NSL1: variants seen among roughly 807,000 people sequenced by gnomAD.
The protein encoded by NSL1 is kinetochore-associated protein NSL1 homolog.
Under a neutral mutation model 25.4 loss-of-function variants are expected in NSL1, and 11 were observed. The ratio of observed to expected loss-of-function variants is 0.43; its 90% confidence interval spans 0.27 to 0.72. The LOEUF is 0.72. Ranked by LOEUF, NSL1 falls within the 30% of genes least tolerant of loss-of-function variation. NSL1 has a pLI of 0.19. For missense variants in NSL1, 330 were observed against 342.7 expected, an observed-to-expected ratio of 0.96 and a Z score of 0.29; for synonymous variants, 118 against 120.6, an observed-to-expected ratio of 0.98 and a Z score of 0.14.
At position 212,734,510 on chromosome 1, in the gene NSL1, T is replaced by C. The variant is rs1244866233; in HGVS notation, c.*3898A>G. ...ACTCAGATCAAGATACAGAACATTT[T>C]GCTCACCCAAAAATGTTTCCCGTGC... On this transcript the variant is annotated 3_prime_UTR_variant, in exon 6 of 6. Coordinates refer to ENST00000366977, the MANE Select transcript of NSL1 (RefSeq NM_015471.4). Among the ~76,000 whole-genome samples, 1 of 152,256 alleles carries C rather than the reference T, an allele frequency of 6.6e-6. No homozygotes were observed. The highest frequency in any genetic ancestry group is 2.4e-5 in the African/African-American group (1 of 41,466).
At chr1:212,770,885 G>A (rs571377062) in intron 4 of NSL1, among the ~76,000 whole-genome samples, 1 of 152,230 alleles carries the variant, frequency 6.6e-6, no homozygotes, top group African/African-American at 2.4e-5. Context: ...TCAGAGATAT[G>A]AGAATGGCTC....
Position 212,760,918 on chromosome 1 carries a change from T to C in NSL1, c.500-21317A>G, listed in dbSNP as rs1571889299. Among the ~76,000 whole-genome samples, 1 of 152,266 alleles carries C rather than the reference T, an allele frequency of 6.6e-6. No individual in the cohort carries two copies. Among genetic ancestry groups the C allele is most frequent in the Non-Finnish European group, 1.5e-5 (1 of 68,016 alleles). The stretch of plus-strand genomic sequence containing the variant: ...GCCTGCCTGGAGTCCCCATCCCAAG[T>C]AAAGACCTATCATACCCTCTAGTAC... On this transcript the variant is annotated intron_variant, in intron 4 of 5. Transcript: ENST00000366977. The surrounding 1 kb of genome is among the most constrained non-coding windows in gnomAD (Gnocchi z 4.3).
chr1:212,772,596 G>A (rs1249272995), intron 4 of NSL1, among the ~76,000 whole-genome samples: 1 of 152,144 alleles, frequency 6.6e-6, no homozygotes, highest in Non-Finnish European at 1.5e-5. Flanking sequence ...AGAATCACTT[G>A]AACTCGGGAG....
chr1:212,749,637 T>C (rs1658973188), intron 4 of NSL1, among the ~76,000 whole-genome samples: 1 of 152,130 alleles, frequency 6.6e-6, no homozygotes, highest in South Asian at 2.1e-4. Context: ...CACTGATTTG[T>C]GAAGCCTCTC....
At position 212,790,229 on chromosome 1, in the gene NSL1, A is replaced by G. The variant is rs534541409; in HGVS notation, c.234+1301T>C. 1.1e-4 allele frequency among the ~76,000 whole-genome samples: 16 copies of G among 152,096 alleles called. 1 individual carries two copies. Among genetic ancestry groups the G allele is most frequent in the Non-Finnish European group, 1.9e-4 (13 of 67,978 alleles). ...GTTTTAGTAGAGACGGGGTTTCACC[A>G]TGTTAGCCAGGATGGTCTCGATCTC... On this transcript the variant is annotated intron_variant, in intron 1 of 5. Coordinates refer to ENST00000366977, the MANE Select transcript of NSL1 (RefSeq NM_015471.4).
chr1:212,739,734 A>C (rs1658416195), intron 4 of NSL1, 133 bp from the exon 5 acceptor site: 5 of 732,884 alleles, frequency 6.8e-6, no homozygotes, highest in Non-Finnish European at 1.1e-5. Context: ...ACCTCAGCTT[A>C]ATCTTTCTCA....
At chr1:212,787,394 AAAG>A (rs1317594029) in intron 2 of NSL1, among the ~76,000 whole-genome samples, 162 bp downstream of exon 2, 1 of 152,236 alleles carries the variant, frequency 6.6e-6, no homozygotes, top group Non-Finnish European at 1.5e-5. Flanking sequence ...AACTATTGAC[AAAG>A]AAGACTATTG....
intron 4 of NSL1, chr1:212,782,017 TATGAGAGA>T (rs1293039201): frequency 3.7e-6 from 2 of 542,288 alleles, no homozygotes; most frequent in Non-Finnish European, 7.2e-6. Context: ...GGTGTGACAC[TATGAGAGA>T]ATGCTTTAAT....
Position 212,737,935 on chromosome 1 carries a change from C to CT in NSL1, c.*472dup, listed in dbSNP as rs748128932. 86 of 985,170 alleles carry CT rather than the reference C, an allele frequency of 8.7e-5. No individual in the cohort carries two copies. The highest frequency in any genetic ancestry group is 1.0e-4 in the Non-Finnish European group (85 of 830,138). 61.0% of individuals were successfully genotyped at this position (985,170 alleles called of 1,614,324 possible). A position where few individuals can be genotyped will look rare whatever the true frequency, so the allele number is the denominator to read the frequency against. Reference sequence around the variant, plus strand: ...ATTAATTTGATAAATCAAACTACATCTTTAAAAAAAAACCCTGCATCTGCT... The same window carrying CT: ...ATTAATTTGATAAATCAAACTACATCTTTTAAAAAAAAACCCTGCATCTGCT... On this transcript the variant is annotated 3_prime_UTR_variant, in exon 6 of 6. Coordinates refer to ENST00000366977, the MANE Select transcript of NSL1 (RefSeq NM_015471.4).
At chr1:212,745,198 A>ATATATATATATG (rs1658727981) in intron 4 of NSL1, among the ~76,000 whole-genome samples, 1 of 80,502 alleles carries the variant, frequency 1.2e-5, no homozygotes. Context: ...ATATATATAT[A>ATATATATATATG]TATATGCATA....
intron 2 of NSL1, among the ~76,000 whole-genome samples, chr1:212,785,876 T>G (rs1484990114): frequency 6.6e-6 from 1 of 152,226 alleles, no homozygotes; most frequent in East Asian, 1.9e-4. Flanking sequence ...AACATAATTT[T>G]TGAAACATTT....
intron 4 of NSL1, among the ~76,000 whole-genome samples, chr1:212,745,595 T>C (rs1658753708): frequency 6.6e-6 from 1 of 152,192 alleles, no homozygotes. Context: ...AAAAAATCTG[T>C]CCACCAAGAA....
At position 212,727,597 on chromosome 1, in the gene NSL1, A is replaced by G; in HGVS notation, c.*10811T>C. The G allele has an allele frequency of 3.0e-6, 3 of 985,396 alleles. No homozygotes were observed. Among genetic ancestry groups the G allele is most frequent in the Non-Finnish European group, 2.4e-6 (2 of 829,910 alleles). The allele number at this position is 985,396 out of a possible 1,614,324, so 61.0% of individuals were successfully genotyped here. A position where few individuals can be genotyped will look rare whatever the true frequency, so the allele number is the denominator to read the frequency against. On this transcript the variant is annotated 3_prime_UTR_variant, in exon 6 of 6. Transcript: ENST00000366977. ...AAAACTTTATGACTCAGTTGTCTGG[A>G]AGTTGTTTTGTAACCTTCTAAAATT...
chr1:212,737,716 G>A lies in NSL1; in HGVS notation c.*692C>T, dbSNP rs1228834875. The stretch of plus-strand genomic sequence containing the variant: ...AACCATTAGTTCCAAGTCAAATTAT[G>A]TTAATGGTCTATAGAAAAAAGTGAG... On this transcript the variant is annotated 3_prime_UTR_variant, in exon 6 of 6. Coordinates refer to ENST00000366977, the MANE Select transcript of NSL1 (RefSeq NM_015471.4). 1.0e-6 allele frequency: 1 copy of A among 977,040 alleles called. No homozygotes were observed. The highest frequency in any genetic ancestry group is 1.2e-6 in the Non-Finnish European group (1 of 822,362). The allele number at this position is 977,040 out of a possible 1,614,324, so 60.5% of individuals were successfully genotyped here.
intron 5 of NSL1, 80 bp from the exon 6 acceptor site, chr1:212,738,766 ATTT>A (rs72163165): frequency 3.8e-3 from 3,653 of 955,320 alleles, no homozygotes; most frequent in Non-Finnish European, 4.3e-3. Context: ...CAGTACTCTA[ATTT>A]TTTTTTTTTT....
In NSL1 at chr1:212,727,742, A is replaced by T; in HGVS notation, c.*10666T>A. The stretch of plus-strand genomic sequence containing the variant: ...TTATATTTCCCAAGAAATTAACAGC[A>T]AAAGTTCATATTTAACCTCATTAAG... On this transcript the variant is annotated 3_prime_UTR_variant, in exon 6 of 6. Transcript: ENST00000366977. 1.0e-6 allele frequency: 1 copy of T among 984,818 alleles called. No individual in the cohort carries two copies. The highest frequency in any genetic ancestry group is 1.2e-6 in the Non-Finnish European group (1 of 829,318). 61.0% of individuals were successfully genotyped at this position (984,818 alleles called of 1,614,324 possible).
chr1:212,779,553 A>G (rs1336615222), intron 4 of NSL1, among the ~76,000 whole-genome samples: 1 of 73,402 alleles, frequency 1.4e-5, no homozygotes, highest in Non-Finnish European at 2.7e-5. Flanking sequence ...TCCGGGAGGG[A>G]GGTGGGGGTG....
At chr1:212,776,860 A>G (rs1371066214) in intron 4 of NSL1, among the ~76,000 whole-genome samples, 1 of 152,022 alleles carries the variant, frequency 6.6e-6, no homozygotes, top group Non-Finnish European at 1.5e-5. Context: ...ACTTAGAGAT[A>G]AATGTGTAGC....
intron 4 of NSL1, among the ~76,000 whole-genome samples, chr1:212,774,353 C>T (rs1296579641): frequency 6.6e-6 from 1 of 151,824 alleles, no homozygotes; most frequent in Non-Finnish European, 1.5e-5. Flanking sequence ...ATCACATGTA[C>T]CCCATAAATA....
Sources: allele counts gnomAD v4.1 joint callset (sites outside exome capture counted in the v4.1 genomes callset), GRCh38; gene constraint gnomAD v4.1.1; non-coding constraint Gnocchi (gnomAD v3.1); transcripts MANE v1.5; gene names NCBI Gene and HGNC (gene_info 2026-07-23, HGNC 2026-07-21).